Variants in TNPO3 observed in about 807,000 individuals in gnomAD.
TNPO3 encodes transportin-3.
Under a neutral mutation model 122.8 loss-of-function variants are expected in TNPO3, and 65 were observed. The observed-to-expected ratio is 0.53, with a 90% CI of 0.43 to 0.65. The LOEUF (loss-of-function observed/expected upper bound fraction) is 0.65. Among genes scored for constraint, TNPO3 ranks in the 30% least tolerant of loss-of-function variants. TNPO3 has a pLI of 0.00. For synonymous variants in TNPO3, 372 were observed against 411.2 expected, an observed-to-expected ratio of 0.90 and a Z score of 1.15; for missense variants, 850 against 1,136.7, an observed-to-expected ratio of 0.75 and a Z score of 3.63.
chr7:129,011,924 A>G (rs1225143855), intron 4 of TNPO3, among the ~76,000 whole-genome samples: 1 of 152,152 alleles, frequency 6.6e-6, no homozygotes, highest in African/African-American at 2.4e-5. Flanking sequence ...CTATTTCTTT[A>G]AAATAAATGG....
At chr7:129,050,887 G>A (rs539563998) in intron 1 of TNPO3, among the ~76,000 whole-genome samples, 1 of 152,162 alleles carries the variant, frequency 6.6e-6, no homozygotes, top group Non-Finnish European at 1.5e-5. Flanking sequence ...AAACATCATG[G>A]AATCCAAGAA....
chr7:128,986,964 G>C, intron 11 of TNPO3, 44 bp from the exon 12 acceptor site: 1 of 1,523,170 alleles, frequency 6.6e-7, no homozygotes, highest in Non-Finnish European at 8.8e-7. Flanking sequence ...TGAAACTAAA[G>C]GAAAACTTCT....
chr7:129,014,942 C>T (rs1294742123), intron 4 of TNPO3, 37 bp downstream of exon 4: 2 of 1,533,590 alleles, frequency 1.3e-6, no homozygotes, highest in East Asian at 4.8e-5. Flanking sequence ...TGGCTTTCTG[C>T]CTTTATGCAG....
chr7:129,046,131 G>A (rs1346846486), intron 1 of TNPO3, among the ~76,000 whole-genome samples: 1 of 142,614 alleles, frequency 7.0e-6, no homozygotes, highest in African/African-American at 2.6e-5. Flanking sequence ...GGGAGGTGGA[G>A]GTTGCAGTGA....
Position 129,018,035 on chromosome 7 carries a change from G to T in TNPO3, c.243C>A (p.Asp81Glu). 6.2e-7 allele frequency: 1 copy of T among 1,614,162 alleles called. No homozygotes were observed. Among genetic ancestry groups the T allele is most frequent in the Non-Finnish European group, 8.5e-7 (1 of 1,180,024 alleles). ...ATGAGTCCCGTAAAGAGGCATGAGA[G>T]TCTGTGGGGAGCTCATAAAATGAGG... Reference protein sequence around the residue: ...IQTSFYELPTDSHASLRDSLL... With the variant: ...IQTSFYELPTESHASLRDSLL... Residue 81 changes from aspartate (D) to glutamate (E), a missense_variant, in exon 2 of 23, where the codon GAC becomes GAA. By Grantham distance (45) the Asp-to-Glu change is conservative. Coordinates refer to ENST00000265388, the MANE Select transcript of TNPO3 (RefSeq NM_012470.4).
At position 128,970,276 on chromosome 7, in the gene TNPO3, G is replaced by C. The variant is rs1333371786; in HGVS notation, c.2470C>G (p.Gln824Glu). 6.2e-7 allele frequency: 1 copy of C among 1,611,660 alleles called. No homozygotes were observed. Among genetic ancestry groups the C allele is most frequent in the Non-Finnish European group, 8.5e-7 (1 of 1,178,988 alleles). ...DFELRKELIG[Q>E]VMNQLGQQLV... ...TGCTGTCCAAGCTGGTTCATCACCT[G>C]TCCAATCAGTTCTTTCCGTAATTCA... Residue 824 changes from glutamine (Q) to glutamate (E), a missense_variant, in exon 20 of 23, where the codon CAG becomes GAG. Coordinates refer to ENST00000265388, the MANE Select transcript of TNPO3 (RefSeq NM_012470.4).
chr7:129,044,676 C>T (rs1584594140), intron 1 of TNPO3, among the ~76,000 whole-genome samples: 1 of 152,262 alleles, frequency 6.6e-6, no homozygotes, highest in Middle Eastern at 3.4e-3. Context: ...ATTTCAGCAC[C>T]ATGGTACAAG....
chr7:129,030,365 T>A (rs1009575835), intron 1 of TNPO3: 29 of 202,174 alleles, frequency 1.4e-4, no homozygotes, highest in Non-Finnish European at 2.9e-4. Context: ...AGGCCAACAA[T>A]CTACATGTGA....
chr7:129,019,349 T>C lies in TNPO3; in HGVS notation c.121-1192A>G, dbSNP rs371051699. The stretch of plus-strand genomic sequence containing the variant: ...AACCTCAATTTAGGAATAGTGTCTA[T>C]TGTAAAGAGAAGGGGTCAATTTCTT... On this transcript the variant is annotated intron_variant, in intron 1 of 22. Coordinates refer to ENST00000265388, the MANE Select transcript of TNPO3 (RefSeq NM_012470.4). Among the ~76,000 whole-genome samples, 8 of 152,318 alleles carry C rather than the reference T, an allele frequency of 5.3e-5. No individual in the cohort carries two copies. The South Asian group carries it at 1.2e-3, about 24-fold the overall frequency.
rs1225457720 is a variant in TNPO3, at chr7:128,970,212, A to T, written c.2534T>A (p.Leu845His). The change falls in exon 20 of 23, where the codon CTC (leucine) becomes CAC (histidine). Residue 845 changes from leucine (L) to histidine (H), a missense_variant. Leu to His is a moderately conservative substitution (Grantham distance 99, BLOSUM62 -3). Transcript: ENST00000265388. ...SQLLHTCCFC[L>H]PPYTLPDVAE... ...CACATCTGGTAGGGTATAGGGGGGG[A>T]GGCAAAAGCAGCAGGTGTGCAGCAG... The T allele has an allele frequency of 6.2e-7, 1 of 1,613,784 alleles. No individual in the cohort carries two copies. The highest frequency in any genetic ancestry group is 8.5e-7 in the Non-Finnish European group (1 of 1,179,942).
chr7:129,006,125 T>C (rs188964035), intron 4 of TNPO3, among the ~76,000 whole-genome samples: 1 of 152,210 alleles, frequency 6.6e-6, no homozygotes, highest in Non-Finnish European at 1.5e-5. Context: ...ACTAACACAA[T>C]CCCCAAATAC....
chr7:129,055,962 TTAA>T (rs971545159), upstream of TNPO3: 231 of 704,400 alleles, frequency 3.3e-4, 1 homozygote, highest in African/African-American at 4.0e-3. Flanking sequence ...TTGCCAAGTA[TTAA>T]TAAAACCCGT....
At position 128,982,615 on chromosome 7, in the gene TNPO3, AATT is replaced by A. The variant is rs199516284; in HGVS notation, c.1783-294_1783-292del. On this transcript the variant is annotated intron_variant, in intron 13 of 22. Coordinates refer to ENST00000265388, the MANE Select transcript of TNPO3 (RefSeq NM_012470.4). ...ATTTGATTTTTTTCCCATTTACCTTAATTATTATTATTACATATTACATAATAT... is the reference window on the plus strand; with the variant it reads ...ATTTGATTTTTTTCCCATTTACCTTAATTATTATTACATATTACATAATAT... Among the ~76,000 whole-genome samples the A allele has an allele frequency of 8.2e-3, 1,251 of 152,134 alleles. 9 individuals carry two copies. Among genetic ancestry groups the A allele is most frequent in the African/African-American group, 0.02 (818 of 41,518 alleles).
intron 4 of TNPO3, among the ~76,000 whole-genome samples, chr7:129,010,956 C>G (rs1803122416): frequency 6.6e-6 from 1 of 152,076 alleles, no homozygotes; most frequent in African/African-American, 2.4e-5. Context: ...TAGAATTAAG[C>G]CCTTCAGAAA....
chr7:129,041,579 C>CTG, intron 1 of TNPO3: 1 of 985,472 alleles, frequency 1.0e-6, no homozygotes, highest in African/African-American at 1.7e-5. Context: ...TTTCTAGCCA[C>CTG]AGATGCCAGG....
At chr7:128,963,071 A>G (rs1797620346) in intron 21 of TNPO3, among the ~76,000 whole-genome samples, 2 of 152,236 alleles carry the variant, frequency 1.3e-5, no homozygotes, top group African/African-American at 4.8e-5. Flanking sequence ...GTACATAATG[A>G]CATTCTAGAA....
intron 1 of TNPO3, chr7:129,029,138 GC>G: frequency 4.6e-6 from 1 of 215,726 alleles, no homozygotes. Context: ...GACTCTTGCT[GC>G]CATCGGGACA....
At position 128,954,242 on chromosome 7, in the gene TNPO3, G is replaced by C. The variant is rs1320405914; in HGVS notation, c.*1175C>G. On this transcript the variant is annotated 3_prime_UTR_variant, in exon 23 of 23. Transcript: ENST00000265388. ...TTGCTGTTGATTTGTTCTTGAGATG[G>C]CTACAACACCAGACAGAACAGTGCC... is the stretch of plus-strand genomic sequence containing the variant. 2.6e-5 allele frequency: 4 copies of C among 152,160 alleles called. No homozygotes were observed. Among genetic ancestry groups the C allele is most frequent in the Non-Finnish European group, 4.4e-5 (3 of 68,016 alleles). 9.4% of individuals were successfully genotyped at this position (152,160 alleles called of 1,614,324 possible).
chr7:128,955,732 C>T (rs1203586838), intron 22 of TNPO3, among the ~76,000 whole-genome samples: 1 of 152,228 alleles, frequency 6.6e-6, no homozygotes, highest in Non-Finnish European at 1.5e-5. Flanking sequence ...CCACAGGCTT[C>T]ATGTCGATTT....
Sources: allele counts gnomAD v4.1 joint callset (sites outside exome capture counted in the v4.1 genomes callset), GRCh38; gene constraint gnomAD v4.1.1; transcripts MANE v1.5; gene names NCBI Gene and HGNC (gene_info 2026-07-23, HGNC 2026-07-21).